RASA1: variants seen among roughly 807,000 people sequenced by gnomAD.
The protein encoded by RASA1 is ras GTPase-activating protein 1.
In RASA1, 25 loss-of-function variants were observed where a neutral mutation model predicts 132.2. The ratio of observed to expected loss-of-function variants is 0.19; its 90% CI spans 0.14 to 0.26. The LOEUF (loss-of-function observed/expected upper bound fraction) is 0.26, where lower values mean the gene tolerates loss of function less well. RASA1 is among the 10% of genes least tolerant of loss of function. RASA1 has a pLI of 1.00. For synonymous variants in RASA1, 477 were observed against 449.9 expected (o/e 1.06, Z -0.76); for missense variants, 964 against 1,299.2 (o/e 0.74, Z 3.97).
chr5:87,312,496 A>C (rs1755996602), intron 1 of RASA1, among the ~76,000 whole-genome samples: 1 of 152,206 alleles, frequency 6.6e-6, no homozygotes, highest in Non-Finnish European at 1.5e-5. Context: ...CTAATACAGT[A>C]AATATTGACA....
Position 87,268,741 on chromosome 5 carries a change from G to C in RASA1, c.290G>C (p.Gly97Ala). Residue 97 changes from glycine to alanine, a missense_variant, in exon 1 of 25, where the codon GGT (glycine) becomes GCT (alanine). This residue lies in a region of RASA1 where 326 missense variants were observed against 275.8 expected (regional missense o/e 1.18). Coordinates refer to ENST00000274376, the MANE Select transcript of RASA1 (RefSeq NM_002890.3). Reference protein sequence around the residue: ...TGGGTAAGVAGAAAGVAGAAV... With the variant: ...TGGGTAAGVAAAAAGVAGAAV... The stretch of plus-strand genomic sequence containing the variant: ...GGAGGTACTGCTGCTGGCGTAGCTG[G>C]TGCTGCTGCTGGCGTGGCCGGTGCT... 1 of 1,613,368 alleles carries C rather than the reference G, an allele frequency of 6.2e-7. No homozygotes were observed. Among genetic ancestry groups the C allele is most frequent in the Non-Finnish European group, 8.5e-7 (1 of 1,179,668 alleles).
chr5:87,299,221 G>A (rs746866040), intron 1 of RASA1, among the ~76,000 whole-genome samples: 18 of 152,118 alleles, frequency 1.2e-4, no homozygotes, highest in African/African-American at 4.1e-4. Flanking sequence ...ATCATTCTTT[G>A]CAGGGCGTGT....
intron 8 of RASA1, among the ~76,000 whole-genome samples, chr5:87,351,803 T>C (rs1265273277): frequency 2.0e-5 from 3 of 151,830 alleles, no homozygotes; most frequent in Admixed American, 6.6e-5. Context: ...ACTTTTAAAT[T>C]TGCTCCTGGA....
At chr5:87,308,892 T>A (rs1474775060) in intron 1 of RASA1, among the ~76,000 whole-genome samples, 1 of 152,226 alleles carries the variant, frequency 6.6e-6, no homozygotes, top group African/African-American at 2.4e-5. Context: ...TAGATTTGTG[T>A]ATGTATACTT....
In RASA1 at chr5:87,388,172, G is replaced by GTCAGTTC. The variant is rs569800336; in HGVS notation, c.2926-1218_2926-1212dup. Among the ~76,000 whole-genome samples the GTCAGTTC allele has an allele frequency of 3.3e-5, 5 of 152,292 alleles. No homozygotes were observed. In the South Asian group the frequency reaches 1.0e-3, roughly 32 times the overall value. On this transcript the variant is annotated intron_variant, in intron 23 of 24. Transcript: ENST00000274376. ...TTATTCTAAAGTCCTTTCTACTGGAGTCAGTTCTCTGAAGGCAAATATGGA... is the reference window on the plus strand; with the variant it reads ...TTATTCTAAAGTCCTTTCTACTGGAGTCAGTTCTCAGTTCTCTGAAGGCAAATATGGA...
At chr5:87,269,994 C>T (rs1286096510) in intron 1 of RASA1, among the ~76,000 whole-genome samples, 2 of 152,092 alleles carry the variant, frequency 1.3e-5, no homozygotes, top group Non-Finnish European at 2.9e-5. Context: ...GTAATCCCAG[C>T]ACTTTGAGAG....
chr5:87,295,357 T>G (rs745812277), intron 1 of RASA1, among the ~76,000 whole-genome samples: 5 of 152,034 alleles, frequency 3.3e-5, no homozygotes, highest in Admixed American at 6.6e-5. Context: ...TAAATTAATA[T>G]TCACCATATT....
chr5:87,287,446 CAT>C (rs1754672405), intron 1 of RASA1, among the ~76,000 whole-genome samples: 1 of 139,664 alleles, frequency 7.2e-6, no homozygotes, highest in African/African-American at 2.7e-5. Flanking sequence ...ATATATACAC[CAT>C]ATATATACCA....
At chr5:87,317,023 C>T (rs1756393454) in intron 1 of RASA1, among the ~76,000 whole-genome samples, 1 of 152,046 alleles carries the variant, frequency 6.6e-6, no homozygotes, top group Non-Finnish European at 1.5e-5. Flanking sequence ...GCTGGGATTA[C>T]AGGCGTGTGC....
chr5:87,278,944 T>C (rs1361402842), intron 1 of RASA1, among the ~76,000 whole-genome samples: 1 of 128,982 alleles, frequency 7.8e-6, no homozygotes, highest in African/African-American at 2.9e-5. Flanking sequence ...CCTGTGGTCA[T>C]TTAAAGAAGA....
intron 1 of RASA1, among the ~76,000 whole-genome samples, chr5:87,330,573 G>C (rs979427324): frequency 2.3e-4 from 35 of 152,078 alleles, no homozygotes; most frequent in African/African-American, 8.2e-4. Context: ...ATATTTCTAA[G>C]CATGTTTCTG....
intron 5 of RASA1, among the ~76,000 whole-genome samples, chr5:87,338,536 A>ATATATATATTTTTTTTTTTT: frequency 5.9e-5 from 5 of 85,218 alleles, no homozygotes; most frequent in African/African-American, 2.2e-4. Context: ...TATATATAAA[A>ATATATATATTTTTTTTTTTT]TTTTTTTTTT....
rs1461206676 is a variant in RASA1, at chr5:87,298,427, AAAG to A, written c.539+29446_539+29448del. On this transcript the variant is annotated intron_variant, in intron 1 of 24. Transcript: ENST00000274376. ...GACTCTGTCTCAAAAAAAAAAAAAA[AAAG>A]AAGAAGAAACAGGAAGGAACAGGAA... 1.5e-3 allele frequency among the ~76,000 whole-genome samples: 233 copies of A among 151,730 alleles called. 1 individual carries two copies. Among genetic ancestry groups the A allele is most frequent in the Middle Eastern group, 3.4e-3 (1 of 294 alleles).
At chr5:87,334,726 T>G (rs950529445) in intron 4 of RASA1, among the ~76,000 whole-genome samples, 4 of 152,186 alleles carry the variant, frequency 2.6e-5, no homozygotes, top group African/African-American at 9.6e-5. Context: ...TTGAAGAGTG[T>G]TGTTGATGAG....
At chr5:87,365,232 G>T (rs567135805) in intron 11 of RASA1, among the ~76,000 whole-genome samples, 1 of 152,180 alleles carries the variant, frequency 6.6e-6, no homozygotes, top group South Asian at 2.1e-4. Context: ...TTGTAGTAGA[G>T]ATATTTAACA....
At position 87,268,962 on chromosome 5, in the gene RASA1, A is replaced by G. The variant is rs141240226; in HGVS notation, c.511A>G (p.Ile171Val). ...GPEYEEEEVAIPLTAPPTNQW... is the reference protein window; with the variant it reads ...GPEYEEEEVAVPLTAPPTNQW... ...AGAATACGAGGAGGAAGAGGTGGCC[A>G]TACCGTTGACCGCTCCTCCAACTAA... The change falls in exon 1 of 25, where the codon ATA becomes GTA. Residue 171 changes from isoleucine to valine, a missense_variant. Transcript: ENST00000274376. The G allele has an allele frequency of 6.2e-7, 1 of 1,614,234 alleles. No individual in the cohort carries two copies. Among genetic ancestry groups the G allele is most frequent in the Non-Finnish European group, 8.5e-7 (1 of 1,180,044 alleles).
intron 1 of RASA1, among the ~76,000 whole-genome samples, chr5:87,285,161 G>A (rs956200800): frequency 1.6e-4 from 24 of 150,670 alleles, no homozygotes; most frequent in Non-Finnish European, 3.3e-4. Context: ...TCCACTTCCC[G>A]GGTTCAAGCG....
intron 15 of RASA1, chr5:87,376,153 C>G (rs370449445): frequency 6.4e-5 from 35 of 549,546 alleles, no homozygotes; most frequent in Admixed American, 2.2e-4. Context: ...CTAAACTGAC[C>G]TCTATGCAAC....
chr5:87,332,408 G>A (rs972814310), intron 2 of RASA1, 99 bp from the exon 3 acceptor site: 17 of 1,226,006 alleles, frequency 1.4e-5, no homozygotes, highest in Non-Finnish European at 2.0e-5. Context: ...ACAAGGAAAA[G>A]AGTATGGAAA....
Sources: gnomAD v4.1 joint callset for allele counts (sites outside exome capture counted in the v4.1 genomes callset) on GRCh38, gnomAD v4.1.1 for gene constraint, gnomAD v4.1.1 regional missense constraint, MANE v1.5 for transcripts, NCBI Gene and HGNC (gene_info 2026-07-23, HGNC 2026-07-21) for gene names.